SPIDR: variants seen among roughly 807,000 people sequenced by gnomAD.
SPIDR encodes DNA repair-scaffolding protein.
In SPIDR, 93 loss-of-function variants were observed where a neutral mutation model predicts 104.6. That is an observed-to-expected ratio of 0.89 (90% CI 0.75 to 1.06). The LOEUF (loss-of-function observed/expected upper bound fraction) is 1.06, where lower values mean the gene tolerates loss of function less well. SPIDR is among the 50% of genes least tolerant of loss of function. The pLI, the probability that SPIDR is intolerant of heterozygous loss-of-function variation, is 0.00. For synonymous variants in SPIDR, 431 were observed against 416.9 expected, an observed-to-expected ratio of 1.03 and a Z score of -0.41; for missense variants, 1,154 against 1,111.2, an observed-to-expected ratio of 1.04 and a Z score of -0.55.
At chr8:47,416,082 A>G (rs990003158) in intron 7 of SPIDR, among the ~76,000 whole-genome samples, 2 of 152,278 alleles carry the variant, frequency 1.3e-5, no homozygotes, top group East Asian at 1.9e-4. Flanking sequence ...TGCCTCTACT[A>G]AAAATACAAA....
At chr8:47,487,340 C>A (rs1423807280) in intron 8 of SPIDR, among the ~76,000 whole-genome samples, 2 of 152,128 alleles carry the variant, frequency 1.3e-5, no homozygotes, top group Non-Finnish European at 2.9e-5. Context: ...TACAGGAGCA[C>A]CCAGACTCAT....
chr8:47,668,986 A>G (rs2075400262), intron 10 of SPIDR, among the ~76,000 whole-genome samples: 1 of 152,190 alleles, frequency 6.6e-6, no homozygotes. Flanking sequence ...TCACTCTACC[A>G]TGCCCTAAAT....
chr8:47,638,507 A>G (rs1481713150), intron 10 of SPIDR, among the ~76,000 whole-genome samples: 2 of 152,206 alleles, frequency 1.3e-5, no homozygotes, highest in African/African-American at 2.4e-5. Flanking sequence ...TAGAGGCTTT[A>G]GAAGTATGAA....
At chr8:47,610,189 G>T (rs2063434594) in intron 10 of SPIDR, among the ~76,000 whole-genome samples, 1 of 151,996 alleles carries the variant, frequency 6.6e-6, no homozygotes, top group Admixed American at 6.6e-5. Flanking sequence ...TGGAGACCTG[G>T]AACAGTCTCC....
intron 5 of SPIDR, among the ~76,000 whole-genome samples, chr8:47,301,261 A>T (rs1216622771): frequency 2.0e-5 from 3 of 152,152 alleles, no homozygotes; most frequent in Non-Finnish European, 2.9e-5. Context: ...AGAGACTAGG[A>T]TTGAAACCCC....
At chr8:47,576,176 C>A (rs563981092) in intron 8 of SPIDR, among the ~76,000 whole-genome samples, 1 of 150,680 alleles carries the variant, frequency 6.6e-6, no homozygotes, top group Non-Finnish European at 1.5e-5. Flanking sequence ...TATTTTGAGA[C>A]GGAGTCTCAC....
intron 10 of SPIDR, among the ~76,000 whole-genome samples, chr8:47,615,925 A>T (rs554389120): frequency 6.6e-6 from 1 of 151,734 alleles, no homozygotes; most frequent in Non-Finnish European, 1.5e-5. Flanking sequence ...TTTCTATTTT[A>T]TTATTTTGAT....
chr8:47,530,848 G>A (rs754558008), intron 8 of SPIDR, among the ~76,000 whole-genome samples: 4 of 151,642 alleles, frequency 2.6e-5, no homozygotes, highest in African/African-American at 4.8e-5. Flanking sequence ...TTGTACAGTT[G>A]TACAAAATTA....
chr8:47,477,340 G>A (rs1315587394), intron 8 of SPIDR, among the ~76,000 whole-genome samples: 1 of 152,144 alleles, frequency 6.6e-6, no homozygotes, highest in African/African-American at 2.4e-5. Context: ...GGGATTACAG[G>A]CGCTTGGCGA....
intron 8 of SPIDR, among the ~76,000 whole-genome samples, chr8:47,481,066 T>C (rs915910178): frequency 3.9e-5 from 6 of 152,242 alleles, no homozygotes; most frequent in Non-Finnish European, 8.8e-5. Context: ...AGGTGAAGGC[T>C]CTTTCTTGAA....
chr8:47,481,572 C>T (rs2076906568), intron 8 of SPIDR, among the ~76,000 whole-genome samples: 1 of 152,188 alleles, frequency 6.6e-6, no homozygotes. Context: ...ACCTGGGAGG[C>T]TCCATCAGGG....
chr8:47,651,873 T>G (rs1211150259), intron 10 of SPIDR, among the ~76,000 whole-genome samples: 1 of 152,202 alleles, frequency 6.6e-6, no homozygotes, highest in Non-Finnish European at 1.5e-5. Context: ...AAATACTGTA[T>G]GTTCTCACTT....
At chr8:47,616,394 G>C (rs2064316994) in intron 10 of SPIDR, among the ~76,000 whole-genome samples, 1 of 152,114 alleles carries the variant, frequency 6.6e-6, no homozygotes, top group Non-Finnish European at 1.5e-5. Flanking sequence ...TTTGTCAAGT[G>C]CTTTTTCTGC....
At chr8:47,411,716 T>C (rs2154327168) in intron 7 of SPIDR, among the ~76,000 whole-genome samples, 1 of 152,328 alleles carries the variant, frequency 6.6e-6, no homozygotes, top group South Asian at 2.1e-4. Context: ...GTTTTAGACA[T>C]GAAGTCCTTG....
At chr8:47,603,028 C>T (rs955854243) in intron 10 of SPIDR, among the ~76,000 whole-genome samples, 1 of 152,162 alleles carries the variant, frequency 6.6e-6, no homozygotes, top group African/African-American at 2.4e-5. Context: ...TAACAAAAAA[C>T]TGATGCAGAA....
chr8:47,325,234 A>G (rs2047467734), intron 5 of SPIDR, among the ~76,000 whole-genome samples: 2 of 152,196 alleles, frequency 1.3e-5, no homozygotes, highest in Admixed American at 6.5e-5. Context: ...TTGGGAATGT[A>G]CACTAGATAG....
At chr8:47,690,274 G>A (rs964445812) in intron 11 of SPIDR, among the ~76,000 whole-genome samples, 7 of 149,502 alleles carry the variant, frequency 4.7e-5, no homozygotes, top group African/African-American at 1.7e-4. Context: ...AGAGTGTGTG[G>A]GGGGGGTGAG....
intron 3 of SPIDR, among the ~76,000 whole-genome samples, chr8:47,284,610 T>G (rs1554561701): frequency 0.026 from 3,926 of 152,274 alleles, 63 homozygotes; most frequent in Middle Eastern, 0.041. Flanking sequence ...AGGGCTAGAT[T>G]CTTTCTGAAT....
chr8:47,672,550 T>C (rs1031332615), intron 10 of SPIDR, among the ~76,000 whole-genome samples: 1 of 152,264 alleles, frequency 6.6e-6, no homozygotes, highest in Admixed American at 6.5e-5. Flanking sequence ...TGAATATTTT[T>C]ATTTCAATAA....
Sources: allele counts gnomAD v4.1 joint callset (sites outside exome capture counted in the v4.1 genomes callset), GRCh38; gene constraint gnomAD v4.1.1; transcripts MANE v1.5; gene names NCBI Gene and HGNC (gene_info 2026-07-23, HGNC 2026-07-21).